The following RASSF3 variants were observed in gnomAD, a reference collection of about 807,000 sequenced individuals.
RASSF3 encodes the protein ras association domain-containing protein 3.
Under a neutral mutation model 19.9 loss-of-function variants are expected in RASSF3, and 19 were observed. The observed-to-expected ratio is 0.96, with a 90% confidence interval of 0.67 to 1.40. The LOEUF (loss-of-function observed/expected upper bound fraction) is 1.40. RASSF3 is among the 40% of genes most tolerant of loss of function. The probability of loss-of-function intolerance (pLI) is 0.00; values close to 1 mark genes in which losing one functional copy is unlikely to be tolerated. For synonymous variants in RASSF3, 110 were observed against 104.2 expected (o/e 1.06, Z -0.34); for missense variants, 306 against 289.8 (o/e 1.06, Z -0.41).
upstream of RASSF3, among the ~76,000 whole-genome samples, chr12:64,607,357 C>CTTTA (rs113059269): frequency 1.1e-3 from 173 of 150,582 alleles, no homozygotes; most frequent in Middle Eastern, 0.01. Flanking sequence ...TTCTTCCTTC[C>CTTTA]TTTATTTATT....
intron 1 of RASSF3, among the ~76,000 whole-genome samples, chr12:64,517,661 C>T (rs560378758): frequency 4.6e-5 from 7 of 151,418 alleles, no homozygotes; most frequent in South Asian, 2.1e-4. Flanking sequence ...TTCTGTCACC[C>T]GGGCTGGGGT....
rs901067526 is a variant in RASSF3, at chr12:64,565,630, C to T, written c.294+23925C>T. On this transcript the variant is annotated intron_variant, in intron 2 of 5. Coordinates refer to the RASSF3 transcript ENST00000637125. ...AGGGGTTTCTGAGGCAGAAAAATTG[C>T]TGAACCTGGGAGGCGGAGGTTGCAG... 1.4e-4 allele frequency among the ~76,000 whole-genome samples: 22 copies of T among 152,244 alleles called. 1 individual carries two copies. Among genetic ancestry groups the T allele is most frequent in the African/African-American group, 5.1e-4 (21 of 41,556 alleles).
chr12:64,687,305 A>G (rs901378472), intron 2 of RASSF3, among the ~76,000 whole-genome samples: 57 of 152,208 alleles, frequency 3.7e-4, no homozygotes, highest in African/African-American at 1.3e-3. Flanking sequence ...CCTGGCCCCA[A>G]ATATACTGAA....
At chr12:64,566,703 C>G (rs1238708717) in intron 2 of RASSF3, among the ~76,000 whole-genome samples, 1 of 152,020 alleles carries the variant, frequency 6.6e-6, no homozygotes, top group Non-Finnish European at 1.5e-5. Context: ...TAGCTAGAGA[C>G]GAAGCAACCA....
intron 1 of RASSF3, among the ~76,000 whole-genome samples, chr12:64,534,155 G>T (rs912881314): frequency 3.9e-5 from 6 of 152,114 alleles, no homozygotes; most frequent in Non-Finnish European, 8.8e-5. Flanking sequence ...CAGCCACTTG[G>T]AAGACTGAGG....
chr12:64,538,419 T>TTAA (rs1868874177), intron 1 of RASSF3, among the ~76,000 whole-genome samples: 1 of 152,082 alleles, frequency 6.6e-6, no homozygotes. Context: ...GATGTACGAG[T>TTAA]GGTTAGGACT....
intron 1 of RASSF3, among the ~76,000 whole-genome samples, chr12:64,540,468 T>C (rs1428961753): frequency 6.6e-6 from 1 of 152,182 alleles, no homozygotes; most frequent in Non-Finnish European, 1.5e-5. Flanking sequence ...ATGGAAAACA[T>C]TATGTACACA....
chr12:64,551,162 A>G (rs34027433), intron 2 of RASSF3, among the ~76,000 whole-genome samples: 14,880 of 152,264 alleles, frequency 0.098, 819 homozygotes, highest in Middle Eastern at 0.21. Flanking sequence ...AGACATGTAC[A>G]AAGTACCTAT....
At chr12:64,529,612 T>C (rs550372379), upstream of RASSF3, among the ~76,000 whole-genome samples, 5 of 152,234 alleles carry the variant, frequency 3.3e-5, no homozygotes, top group South Asian at 1.0e-3. Context: ...TGTAAATAGA[T>C]CAAGAATCGA....
At chr12:64,626,643 C>T (rs1435543219) in intron 1 of RASSF3, among the ~76,000 whole-genome samples, 1 of 152,064 alleles carries the variant, frequency 6.6e-6, no homozygotes, top group Non-Finnish European at 1.5e-5. Flanking sequence ...CTGTAGCTAG[C>T]CTTGAACTCC....
chr12:64,601,603 C>T (rs1227158386), intron 2 of RASSF3, among the ~76,000 whole-genome samples: 1 of 151,686 alleles, frequency 6.6e-6, no homozygotes, highest in African/African-American at 2.4e-5. Context: ...GGGTGGATTG[C>T]TAGAGCCCAG....
chr12:64,648,160 G>A (rs1171296185), intron 1 of RASSF3, among the ~76,000 whole-genome samples: 5 of 152,218 alleles, frequency 3.3e-5, no homozygotes, highest in Non-Finnish European at 7.3e-5. Flanking sequence ...CTTCTGTTTG[G>A]TGGGTACATG....
intron 1 of RASSF3, among the ~76,000 whole-genome samples, chr12:64,534,729 G>A (rs191615308): frequency 4.6e-5 from 7 of 152,198 alleles, no homozygotes; most frequent in Non-Finnish European, 7.4e-5. Context: ...GGGAAGGGGT[G>A]GAATGGACTT....
At chr12:64,538,434 C>T (rs544151218) in intron 1 of RASSF3, among the ~76,000 whole-genome samples, 2 of 152,254 alleles carry the variant, frequency 1.3e-5, no homozygotes, top group South Asian at 2.1e-4. Flanking sequence ...AGGACTTCAA[C>T]ATCTGAAATT....
chr12:64,535,083 G>GAA (rs138219693), intron 1 of RASSF3, among the ~76,000 whole-genome samples: 49,300 of 148,524 alleles, frequency 0.33, 9,877 homozygotes, highest in East Asian at 0.65. Flanking sequence ...ACGTTTATAT[G>GAA]AAAAAAAAAA....
chr12:64,640,362 G>A (rs1443144870), intron 1 of RASSF3, among the ~76,000 whole-genome samples: 1 of 152,070 alleles, frequency 6.6e-6, no homozygotes, highest in Non-Finnish European at 1.5e-5. Flanking sequence ...GTACAGTACC[G>A]TATCATTAAC....
intron 2 of RASSF3, among the ~76,000 whole-genome samples, chr12:64,594,777 T>C (rs762970240): frequency 2.0e-5 from 3 of 152,092 alleles, no homozygotes; most frequent in Non-Finnish European, 4.4e-5. Flanking sequence ...TTTTTTGAGC[T>C]GGGGGTGGTA....
At chr12:64,547,550 A>G (rs1253631504) in intron 2 of RASSF3, among the ~76,000 whole-genome samples, 2 of 152,148 alleles carry the variant, frequency 1.3e-5, no homozygotes, top group Non-Finnish European at 1.5e-5. Context: ...CTGGCAACAG[A>G]GTGAGACTCC....
upstream of RASSF3, among the ~76,000 whole-genome samples, chr12:64,606,891 A>G (rs907489502): frequency 6.6e-6 from 1 of 152,214 alleles, no homozygotes; most frequent in Non-Finnish European, 1.5e-5. Flanking sequence ...TGAATTTGAA[A>G]TGTTAAAAGT....
Sources: allele counts gnomAD v4.1 joint callset (sites outside exome capture counted in the v4.1 genomes callset), GRCh38; gene constraint gnomAD v4.1.1; transcripts MANE v1.5; gene names NCBI Gene and HGNC (gene_info 2026-07-23, HGNC 2026-07-21).